The following DGKB variants were observed in gnomAD, a reference collection of about 807,000 sequenced individuals.
The protein encoded by DGKB is diacylglycerol kinase beta.
DGKB carries 67 observed loss-of-function variants against 114.3 expected under a neutral mutation model. The observed-to-expected ratio is 0.59, with a 90% CI of 0.48 to 0.72. The LOEUF (loss-of-function observed/expected upper bound fraction) is 0.72. DGKB is among the 30% of genes least tolerant of loss of function. The pLI, the probability that DGKB is intolerant of heterozygous loss-of-function variation, is 0.00. For synonymous variants in DGKB, 398 were observed against 323.1 expected (o/e 1.23, Z -2.49); for missense variants, 907 against 975.2 (o/e 0.93, Z 0.93).
chr7:14,471,103 C>G (rs1400429618), intron 21 of DGKB, among the ~76,000 whole-genome samples: 2 of 148,898 alleles, frequency 1.3e-5, no homozygotes, highest in African/African-American at 4.9e-5. Flanking sequence ...GTCTCTATAG[C>G]AAAATAGAAA....
intron 5 of DGKB, among the ~76,000 whole-genome samples, chr7:14,722,968 C>T (rs1489119364): frequency 1.3e-5 from 2 of 150,710 alleles, no homozygotes; most frequent in African/African-American, 4.9e-5. Context: ...TCTATCTCCA[C>T]AGGAGTTATT....
At chr7:14,875,375 C>T (rs886478997) in intron 1 of DGKB, among the ~76,000 whole-genome samples, 1 of 152,046 alleles carries the variant, frequency 6.6e-6, no homozygotes, top group African/African-American at 2.4e-5. Flanking sequence ...TCTGGGAGTA[C>T]TTTAATCATT....
chr7:14,385,525 T>G (rs1256856452), intron 21 of DGKB, among the ~76,000 whole-genome samples: 1 of 152,108 alleles, frequency 6.6e-6, no homozygotes, highest in Non-Finnish European at 1.5e-5. Context: ...ATAAAAGAAT[T>G]CCTAAGTAAA....
At chr7:14,378,274 C>A (rs1243960951) in intron 21 of DGKB, among the ~76,000 whole-genome samples, 1 of 152,118 alleles carries the variant, frequency 6.6e-6, no homozygotes, top group East Asian at 1.9e-4. Context: ...GAGATCCAGT[C>A]ATTTCAAGGG....
chr7:14,749,450 G>C (rs888761378), intron 4 of DGKB, among the ~76,000 whole-genome samples: 1 of 152,128 alleles, frequency 6.6e-6, no homozygotes, highest in Non-Finnish European at 1.5e-5. Flanking sequence ...TGAAGACTCA[G>C]TAGAAAGACA....
chr7:14,210,666 CCAA>C (rs1191835200), intron 23 of DGKB, among the ~76,000 whole-genome samples: 2 of 152,020 alleles, frequency 1.3e-5, no homozygotes, highest in African/African-American at 4.8e-5. Context: ...TCTCACATGT[CCAA>C]CAACACAAAG....
Position 14,229,248 on chromosome 7 carries a change from C to G in DGKB, c.2123-51097G>C, listed in dbSNP as rs565102617. On this transcript the variant is annotated intron_variant, in intron 23 of 25. Transcript: ENST00000402815. ...CACTCATATACAGTAATGCATTGCT[C>G]AACAACAGGGATACATTCTGATAAG... Among the ~76,000 whole-genome samples, 28 of 151,998 alleles carry G rather than the reference C, an allele frequency of 1.8e-4. No individual in the cohort carries two copies. In the East Asian group the frequency reaches 3.3e-3, roughly 18 times the overall value.
At chr7:14,832,268 A>G (rs997511516) in intron 2 of DGKB, among the ~76,000 whole-genome samples, 1 of 152,092 alleles carries the variant, frequency 6.6e-6, no homozygotes, top group Non-Finnish European at 1.5e-5. Context: ...AAAACCAAAA[A>G]CAAAAATCAA....
chr7:14,903,487 C>T (rs1783448963), upstream of DGKB: 1 of 152,166 alleles, frequency 6.6e-6, no homozygotes, highest in Non-Finnish European at 1.5e-5. Flanking sequence ...CTACCACTCA[C>T]TATACATCTC....
At chr7:14,683,640 G>A (rs1821201498) in intron 10 of DGKB, among the ~76,000 whole-genome samples, 1 of 151,872 alleles carries the variant, frequency 6.6e-6, no homozygotes, top group Non-Finnish European at 1.5e-5. Flanking sequence ...GGTTCTAAAT[G>A]CATAAATATA....
intron 13 of DGKB, among the ~76,000 whole-genome samples, chr7:14,643,268 G>A (rs1212401787): frequency 6.6e-6 from 1 of 152,132 alleles, no homozygotes; most frequent in Non-Finnish European, 1.5e-5. Context: ...GAGATGTCTG[G>A]AATCCTAGGG....
At chr7:14,689,215 T>TG (rs1822352323) in intron 9 of DGKB, among the ~76,000 whole-genome samples, 1 of 136,656 alleles carries the variant, frequency 7.3e-6, no homozygotes, top group Non-Finnish European at 1.6e-5. Context: ...TTTTTTTTTT[T>TG]TTTTTTTTTG....
At position 14,689,205 on chromosome 7, in the gene DGKB, T is replaced by TTTATTTTTTA. The variant is rs1306875949; in HGVS notation, c.712-3844_712-3843insTAAAAAATAA. Among the ~76,000 whole-genome samples the TTTATTTTTTA allele has an allele frequency of 7.4e-3, 891 of 121,176 alleles. 19 individuals are homozygous for TTTATTTTTTA. The highest frequency in any genetic ancestry group is 0.016 in the South Asian group (49 of 3,140). The allele number at this position is 121,176 out of a possible 152,430, so 79.5% of individuals were successfully genotyped here. On this transcript the variant is annotated intron_variant, in intron 9 of 25. Coordinates refer to ENST00000402815, the MANE Select transcript of DGKB (RefSeq NM_001350709.2). ...TGTGACAGAAACTCCTCTTATTTTT[T>TTTATTTTTTA]TTTTTTTTTTTTTTTTTTTGAGAGG...
At chr7:14,492,271 C>T (rs1290546231) in intron 20 of DGKB, among the ~76,000 whole-genome samples, 1 of 151,790 alleles carries the variant, frequency 6.6e-6, no homozygotes, top group Admixed American at 6.6e-5. Context: ...ATAATGTGAA[C>T]AGGTTTTATG....
chr7:14,225,375 T>C (rs1790628958), intron 23 of DGKB, among the ~76,000 whole-genome samples: 1 of 152,112 alleles, frequency 6.6e-6, no homozygotes, highest in Non-Finnish European at 1.5e-5. Flanking sequence ...ACATGATCCA[T>C]GTGTGCCTTT....
At chr7:14,294,949 A>C (rs962359749) in intron 23 of DGKB, among the ~76,000 whole-genome samples, 2 of 152,158 alleles carry the variant, frequency 1.3e-5, no homozygotes, top group African/African-American at 4.8e-5. Flanking sequence ...ATGCAGTCTA[A>C]ATTAGAAAGG....
chr7:14,900,969 C>T (rs111661438), intron 1 of DGKB, among the ~76,000 whole-genome samples: 4 of 152,210 alleles, frequency 2.6e-5, no homozygotes, highest in Admixed American at 6.5e-5. Context: ...ATAGACTTTT[C>T]GTTTTCTTTC....
chr7:14,692,580 G>A (rs1446788538), intron 9 of DGKB, among the ~76,000 whole-genome samples: 2 of 151,130 alleles, frequency 1.3e-5, no homozygotes, highest in South Asian at 2.1e-4. Flanking sequence ...AGCTAAATAT[G>A]GTATTATAAA....
intron 23 of DGKB, among the ~76,000 whole-genome samples, chr7:14,336,225 T>C (rs1171106434): frequency 6.6e-6 from 1 of 152,198 alleles, no homozygotes; most frequent in African/African-American, 2.4e-5. Flanking sequence ...GAGATACTTT[T>C]GGTATTCTGT....
Sources: gnomAD v4.1 joint callset for allele counts (sites outside exome capture counted in the v4.1 genomes callset) on GRCh38, gnomAD v4.1.1 for gene constraint, MANE v1.5 for transcripts, NCBI Gene and HGNC (gene_info 2026-07-23, HGNC 2026-07-21) for gene names.